ZNF140: variants seen among roughly 807,000 people sequenced by gnomAD.
ZNF140 encodes zinc finger protein 140, also known as zinc finger protein 140 (clone pHZ-39).
Under a neutral mutation model 12.9 loss-of-function variants are expected in ZNF140, and 13 were observed. The ratio of observed to expected loss-of-function variants is 1.01; its 90% CI spans 0.66 to 1.60. The LOEUF is 1.60. ZNF140 is among the 40% of genes most tolerant of loss of function. The probability of loss-of-function intolerance (pLI) is 0.00; values close to 1 mark genes in which losing one functional copy is unlikely to be tolerated. For missense variants in ZNF140, 531 were observed against 548.8 expected (o/e 0.97, Z 0.32); for synonymous variants, 214 against 186.7 (o/e 1.15, Z -1.19).
chr12:133,091,292 A>G (rs1012692707), intron 4 of ZNF140, among the ~76,000 whole-genome samples: 6 of 150,944 alleles, frequency 4.0e-5, no homozygotes, highest in Admixed American at 1.3e-4. Context: ...ACTTTTACCA[A>G]GTATACTGCT....
chr12:133,084,944 T>TA (rs1954625564), intron 4 of ZNF140, among the ~76,000 whole-genome samples: 1 of 151,488 alleles, frequency 6.6e-6, no homozygotes, highest in South Asian at 2.1e-4. Context: ...CTTTTTGAAT[T>TA]AAAAAATAAC....
chr12:133,089,360 C>T (rs1035144069), intron 4 of ZNF140, among the ~76,000 whole-genome samples: 13 of 151,896 alleles, frequency 8.6e-5, no homozygotes, highest in South Asian at 8.3e-4. Flanking sequence ...ACTACAGGTG[C>T]GCTCCACCAT....
At position 133,107,185 on chromosome 12, in the gene ZNF140, G is replaced by GA. The variant is rs34275042; in HGVS notation, c.*539dup. 6.6e-6 allele frequency: 1 copy of GA among 152,326 alleles called. No individual in the cohort carries two copies. Among genetic ancestry groups the GA allele is most frequent in the Non-Finnish European group, 1.5e-5 (1 of 68,164 alleles). The allele number at this position is 152,326 out of a possible 1,614,324, so 9.4% of individuals were successfully genotyped here. On this transcript the variant is annotated 3_prime_UTR_variant, in exon 5 of 5. Coordinates refer to ENST00000355557, the MANE Select transcript of ZNF140 (RefSeq NM_003440.4). The stretch of plus-strand genomic sequence containing the variant: ...CTTACATTTTAATACTCTTGTAGGA[G>GA]AAAAAGCAACTGTATAAATGAATGT...
intron 4 of ZNF140, among the ~76,000 whole-genome samples, chr12:133,089,749 C>T (rs1954793726): frequency 6.6e-6 from 1 of 152,108 alleles, no homozygotes; most frequent in African/African-American, 2.4e-5. Flanking sequence ...TCTTAATTAG[C>T]CTGGCTAGAG....
At chr12:133,090,804 A>G (rs373762516) in intron 4 of ZNF140, among the ~76,000 whole-genome samples, 1 of 133,872 alleles carries the variant, frequency 7.5e-6, no homozygotes, top group Non-Finnish European at 1.7e-5. Flanking sequence ...ATGTGAGCAA[A>G]AGAATCTATA....
In ZNF140 at chr12:133,106,639, T is replaced by C. The variant is rs781652571; in HGVS notation, c.1362T>C (p.Thr454=). ...CATTTAATTACCACTCATTCCTTAC[T>C]GAACACCAGTGAATTTACACTGCAA... ...ENSFNYHSFL[T]EHQ The change falls in exon 5 of 5, where the codon ACT becomes ACC. Residue 454 remains threonine, a synonymous_variant. Coordinates refer to ENST00000355557, the MANE Select transcript of ZNF140 (RefSeq NM_003440.4). The C allele has an allele frequency of 4.4e-6, 7 of 1,579,152 alleles. No individual in the cohort carries two copies. In the African/African-American group the frequency reaches 9.5e-5, roughly 21 times the overall value.
In ZNF140 at chr12:133,106,655, T is replaced by G. The variant is rs1020350742; in HGVS notation, c.*4T>G. ...ATTCCTTACTGAACACCAGTGAATT[T>G]ACACTGCAAAGAAAAACTATGAATG... On this transcript the variant is annotated 3_prime_UTR_variant, in exon 5 of 5. Transcript: ENST00000355557. 1.2e-5 allele frequency: 18 copies of G among 1,559,698 alleles called. No homozygotes were observed. Among genetic ancestry groups the G allele is most frequent in the Non-Finnish European group, 1.6e-5 (18 of 1,160,242 alleles).
chr12:133,105,046 G>A (rs1316988134), intron 4 of ZNF140, among the ~76,000 whole-genome samples: 1 of 152,118 alleles, frequency 6.6e-6, no homozygotes, highest in Non-Finnish European at 1.5e-5. Flanking sequence ...TCATAGGCAA[G>A]TTTTCAGAGA....
In ZNF140 at chr12:133,106,712, T is replaced by G; in HGVS notation, c.*61T>G. ...ATTTTTTAAAAAGAAGTATAATGCC[T>G]TACTTCAGAGAACTCTTGGAAAGAA... is the stretch of plus-strand genomic sequence containing the variant. On this transcript the variant is annotated 3_prime_UTR_variant, in exon 5 of 5. Coordinates refer to ENST00000355557, the MANE Select transcript of ZNF140 (RefSeq NM_003440.4). The G allele has an allele frequency of 1.4e-6, 2 of 1,400,992 alleles. No homozygotes were observed. Among genetic ancestry groups the G allele is most frequent in the Non-Finnish European group, 1.9e-6 (2 of 1,044,436 alleles). The allele number at this position is 1,400,992 out of a possible 1,614,324, so 86.8% of individuals were successfully genotyped here.
intron 4 of ZNF140, among the ~76,000 whole-genome samples, chr12:133,105,105 TA>T (rs1242029856): frequency 6.6e-6 from 1 of 152,226 alleles, no homozygotes; most frequent in Non-Finnish European, 1.5e-5. Context: ...CCAGAGGCAC[TA>T]AGTGAACAGA....
chr12:133,098,022 C>T (rs1007004330), intron 4 of ZNF140, among the ~76,000 whole-genome samples: 81 of 152,166 alleles, frequency 5.3e-4, no homozygotes, highest in African/African-American at 1.8e-3. Context: ...TTAGTAGAGA[C>T]GGGATTTCAC....
At chr12:133,090,723 T>TATA (rs1954830556) in intron 4 of ZNF140, among the ~76,000 whole-genome samples, 1 of 148,736 alleles carries the variant, frequency 6.7e-6, no homozygotes, top group African/African-American at 2.5e-5. Flanking sequence ...TTATTATTAT[T>TATA]TTCATTATTT....
intron 4 of ZNF140, among the ~76,000 whole-genome samples, chr12:133,092,687 T>G (rs1954933646): frequency 6.6e-6 from 1 of 151,206 alleles, no homozygotes; most frequent in Non-Finnish European, 1.5e-5. Context: ...TAGCCTTCTG[T>G]AAACCTGGTC....
chr12:133,093,796 CTT>C (rs1284933254), intron 4 of ZNF140, among the ~76,000 whole-genome samples: 1 of 150,784 alleles, frequency 6.6e-6, no homozygotes, highest in East Asian at 1.9e-4. Flanking sequence ...CAGTCTCTCT[CTT>C]CCTCTCTCTC....
chr12:133,099,471 C>T (rs1474153398), intron 4 of ZNF140, among the ~76,000 whole-genome samples: 1 of 152,174 alleles, frequency 6.6e-6, no homozygotes, highest in Non-Finnish European at 1.5e-5. Flanking sequence ...GCCACTGTGC[C>T]CGGCCAATAC....
At chr12:133,099,213 C>A (rs1955244167) in intron 4 of ZNF140, among the ~76,000 whole-genome samples, 1 of 151,912 alleles carries the variant, frequency 6.6e-6, no homozygotes, top group African/African-American at 2.4e-5. Context: ...TGCTCTGTCA[C>A]CCAGGCTGGA....
chr12:133,083,084 T>C lies in ZNF140; in HGVS notation c.10-19T>C, dbSNP rs1199201150. On this transcript the variant is annotated intron_variant, in intron 2 of 4. Coordinates refer to ENST00000355557, the MANE Select transcript of ZNF140 (RefSeq NM_003440.4). ...GGGGCATGCGTGCTGGTCATGCAAA[T>C]ATCTGTCCGTCATTTCAGGGGTCAG... The C allele has an allele frequency of 3.7e-6, 6 of 1,614,066 alleles. No homozygotes were observed. Among genetic ancestry groups the C allele is most frequent in the Non-Finnish European group, 5.1e-6 (6 of 1,180,034 alleles).
intron 4 of ZNF140, among the ~76,000 whole-genome samples, chr12:133,086,515 TATTG>T (rs1954681495): frequency 6.6e-6 from 1 of 152,240 alleles, no homozygotes; most frequent in South Asian, 2.1e-4. Flanking sequence ...TGGATTCTTT[TATTG>T]ATTTGTAGAA....
At chr12:133,105,477 A>G in intron 4 of ZNF140, 33 bp from the exon 5 acceptor site, 2 of 1,534,302 alleles carry the variant, frequency 1.3e-6, no homozygotes, top group Non-Finnish European at 8.7e-7. Flanking sequence ...TACAGGAAAA[A>G]GAAACATTCA....
Sources: allele counts gnomAD v4.1 joint callset (sites outside exome capture counted in the v4.1 genomes callset), GRCh38; gene constraint gnomAD v4.1.1; transcripts MANE v1.5; gene names NCBI Gene and HGNC (gene_info 2026-07-23, HGNC 2026-07-21).